The following TACR3 variants were observed in gnomAD, a reference collection of about 807,000 sequenced individuals.
The protein encoded by TACR3 is tachykinin receptor 3, also known as neuromedin-K receptor.
A neutral mutation model predicts 35.0 loss-of-function variants in TACR3; 34 were observed. The ratio of observed to expected loss-of-function variants is 0.97; its 90% CI spans 0.74 to 1.30. The LOEUF (loss-of-function observed/expected upper bound fraction) is 1.30, where lower values mean the gene tolerates loss of function less well. TACR3 is among the 50% of genes most tolerant of loss of function. TACR3 has a pLI of 0.00. For missense variants in TACR3, 558 were observed against 591.7 expected, an observed-to-expected ratio of 0.94 and a Z score of 0.59; for synonymous variants, 233 against 221.1, an observed-to-expected ratio of 1.05 and a Z score of -0.48.
intron 1 of TACR3, among the ~76,000 whole-genome samples, chr4:103,712,188 G>C (rs752804871): frequency 6.6e-6 from 1 of 152,150 alleles, no homozygotes; most frequent in Non-Finnish European, 1.5e-5. Flanking sequence ...GCGTTGCCAA[G>C]TCAATCCTTA....
At chr4:103,592,281 G>A (rs1723913666) in intron 3 of TACR3, among the ~76,000 whole-genome samples, 1 of 152,204 alleles carries the variant, frequency 6.6e-6, no homozygotes. Flanking sequence ...TCACGTTAGT[G>A]TGAGGAAAAT....
intron 1 of TACR3, among the ~76,000 whole-genome samples, chr4:103,705,098 TA>T (rs1560538964): frequency 2.0e-5 from 3 of 152,120 alleles, no homozygotes; most frequent in African/African-American, 4.8e-5. Flanking sequence ...GAGTTTTTAT[TA>T]AAAATCTATT....
rs1046078722 is a variant in TACR3 at position 103,589,601 on chromosome 4, C to T, written c.*81G>A. ...TTCTGTTTCTAGAGGGTATATAGGA[C>T]AGGACTGGTAAATAGGAGAATGGGG... On this transcript the variant is annotated 3_prime_UTR_variant, in exon 5 of 5. Coordinates refer to ENST00000304883, the MANE Select transcript of TACR3 (RefSeq NM_001059.3). 6.5e-7 allele frequency: 1 copy of T among 1,538,916 alleles called. No homozygotes were observed. Among genetic ancestry groups the T allele is most frequent in the African/African-American group, 1.4e-5 (1 of 73,396 alleles).
chr4:103,707,952 G>A (rs1429967659), intron 1 of TACR3, among the ~76,000 whole-genome samples: 1 of 152,192 alleles, frequency 6.6e-6, no homozygotes, highest in African/African-American at 2.4e-5. Context: ...TGAGGCTGCT[G>A]GAGGGGCACC....
At chr4:103,619,896 A>C (rs1651893063) in intron 3 of TACR3, among the ~76,000 whole-genome samples, 1 of 152,222 alleles carries the variant, frequency 6.6e-6, no homozygotes, top group East Asian at 1.9e-4. Flanking sequence ...TGCTAAGTTG[A>C]TAAGTGGGAC....
At chr4:103,663,544 A>T (rs2110333001) in intron 1 of TACR3, among the ~76,000 whole-genome samples, 1 of 152,242 alleles carries the variant, frequency 6.6e-6, no homozygotes, top group East Asian at 1.9e-4. Context: ...GAAGTAAGTT[A>T]TCTAACTTAT....
At chr4:103,687,953 C>G (rs1482644372) in intron 1 of TACR3, among the ~76,000 whole-genome samples, 1 of 152,066 alleles carries the variant, frequency 6.6e-6, no homozygotes, top group Non-Finnish European at 1.5e-5. Flanking sequence ...AGTCCTAAGC[C>G]AAAAGAACAA....
At chr4:103,599,245 GCTCT>G (rs533016471) in intron 3 of TACR3, among the ~76,000 whole-genome samples, 2,488 of 152,050 alleles carry the variant, frequency 0.016, 51 homozygotes, top group African/African-American at 0.057. Flanking sequence ...TCATGATTTG[GCTCT>G]CTGTTTGTCT....
intron 1 of TACR3, among the ~76,000 whole-genome samples, chr4:103,672,524 T>A (rs1726078191): frequency 6.6e-6 from 1 of 152,150 alleles, no homozygotes; most frequent in Non-Finnish European, 1.5e-5. Flanking sequence ...TTGAAAGGAA[T>A]CTTATTTTCT....
At chr4:103,597,507 A>G (rs1426663386) in intron 3 of TACR3, among the ~76,000 whole-genome samples, 2 of 152,092 alleles carry the variant, frequency 1.3e-5, no homozygotes, top group Non-Finnish European at 2.9e-5. Context: ...CACAACGTGC[A>G]GGTTTGTTAC....
chr4:103,690,420 G>T (rs987432734), intron 1 of TACR3, among the ~76,000 whole-genome samples: 53 of 151,954 alleles, frequency 3.5e-4, no homozygotes, highest in Admixed American at 3.4e-3. Context: ...GACAAACTAG[G>T]AACTCATTAG....
intron 3 of TACR3, among the ~76,000 whole-genome samples, chr4:103,604,707 C>A (rs1334012410): frequency 6.6e-6 from 1 of 152,018 alleles, no homozygotes; most frequent in South Asian, 2.1e-4. Context: ...AAAAACACCA[C>A]CATCAAAAAG....
rs981417827 is a variant in TACR3, at chr4:103,591,143, T to C, written c.1085+344A>G. 16 of 298,438 alleles carry C rather than the reference T, an allele frequency of 5.4e-5. No homozygotes were observed. The South Asian group carries it at 5.8e-4, about 11-fold the overall frequency. The allele number at this position is 298,438 out of a possible 1,614,324, so 18.5% of individuals were successfully genotyped here. A position where few individuals can be genotyped will look rare whatever the true frequency, so the allele number is the denominator to read the frequency against. On this transcript the variant is annotated intron_variant, in intron 4 of 4. Coordinates refer to ENST00000304883, the MANE Select transcript of TACR3 (RefSeq NM_001059.3). ...ATTTCTAGGAAGTAACTTCATTTCA[T>C]TGAGGATTTGAGCATATTTTCAATT...
At chr4:103,597,073 C>A (rs957296607) in intron 3 of TACR3, among the ~76,000 whole-genome samples, 5 of 148,280 alleles carry the variant, frequency 3.4e-5, no homozygotes, top group Admixed American at 6.8e-5. Flanking sequence ...TGTGTGCATG[C>A]GTCTTTATAG....
intron 3 of TACR3, among the ~76,000 whole-genome samples, chr4:103,623,202 G>T (rs1458197438): frequency 2.0e-5 from 3 of 151,720 alleles, no homozygotes; most frequent in Non-Finnish European, 2.9e-5. Context: ...ATACATTAAT[G>T]CTTTATACAT....
intron 3 of TACR3, among the ~76,000 whole-genome samples, chr4:103,602,957 CTTTTTG>C: frequency 6.6e-6 from 1 of 152,222 alleles, no homozygotes; most frequent in Non-Finnish European, 1.5e-5. Flanking sequence ...TTACTGCTGT[CTTTTTG>C]TTTGTCTGTG....
chr4:103,684,699 C>T (rs552401253), intron 1 of TACR3, among the ~76,000 whole-genome samples: 17 of 151,908 alleles, frequency 1.1e-4, no homozygotes, highest in African/African-American at 4.1e-4. Flanking sequence ...CATAAAAGCT[C>T]GTTCTAAAAT....
intron 1 of TACR3, among the ~76,000 whole-genome samples, chr4:103,664,536 C>A (rs538529025): frequency 3.3e-5 from 5 of 152,264 alleles, no homozygotes; most frequent in Admixed American, 1.3e-4. Flanking sequence ...GAATTTTACT[C>A]TCTTCCAATC....
At chr4:103,599,942 T>C (rs1301909825) in intron 3 of TACR3, among the ~76,000 whole-genome samples, 4 of 152,176 alleles carry the variant, frequency 2.6e-5, no homozygotes, top group Non-Finnish European at 5.9e-5. Context: ...TCTGCTGGGC[T>C]TTGGTATCAG....
Sources: gnomAD v4.1 joint callset for allele counts (sites outside exome capture counted in the v4.1 genomes callset) on GRCh38, gnomAD v4.1.1 for gene constraint, MANE v1.5 for transcripts, NCBI Gene and HGNC (gene_info 2026-07-23, HGNC 2026-07-21) for gene names.